Variants in GRIN3A observed in about 807,000 individuals in gnomAD.
GRIN3A encodes glutamate ionotropic receptor NMDA type subunit 3A, also known as glutamate receptor ionotropic, NMDA 3A.
Under a neutral mutation model 92.4 loss-of-function variants are expected in GRIN3A, and 47 were observed. The observed-to-expected ratio is 0.51, with a 90% CI of 0.40 to 0.65. GRIN3A has a LOEUF of 0.65. GRIN3A is among the 30% of genes least tolerant of loss of function. The pLI, the probability that GRIN3A is intolerant of heterozygous loss-of-function variation, is 0.00. For synonymous variants in GRIN3A, 527 were observed against 540.6 expected (o/e 0.97, Z 0.35); for missense variants, 1,324 against 1,393.1 (o/e 0.95, Z 0.79).
In GRIN3A at chr9:101,613,378, C is replaced by T. The variant is rs1828394968; in HGVS notation, c.2764G>A (p.Glu922Lys). Reference protein sequence around the residue: ...PCGKRSFAVTETLQMGIKHFS... With the variant: ...PCGKRSFAVTKTLQMGIKHFS... The stretch of plus-strand genomic sequence containing the variant: ...CATTTTCAACAGTCTTTCCATACCT[C>T]CGTGACAGCAAAACTTCTCTTGCCA... Residue 922 changes from glutamate to lysine, a missense_variant and splice_region_variant, in exon 6 of 9, where the codon GAG becomes AAG. Physicochemically the swap from Glu to Lys is moderately conservative, Grantham distance 56 (BLOSUM62 1). Coordinates refer to ENST00000361820, the MANE Select transcript of GRIN3A (RefSeq NM_133445.3). The T allele has an allele frequency of 1.2e-6, 2 of 1,614,166 alleles. No homozygotes were observed. The highest frequency in any genetic ancestry group is 2.2e-5 in the East Asian group (1 of 44,880).
At chr9:101,611,011 T>A (rs1212453787) in intron 6 of GRIN3A, among the ~76,000 whole-genome samples, 2 of 150,316 alleles carry the variant, frequency 1.3e-5, no homozygotes, top group African/African-American at 4.9e-5. Flanking sequence ...GGCAGGAGAA[T>A]GGTGTGAACC....
intron 1 of GRIN3A, among the ~76,000 whole-genome samples, chr9:101,708,516 C>T (rs117868250): frequency 2.6e-5 from 4 of 152,154 alleles, no homozygotes; most frequent in Non-Finnish European, 5.9e-5. Flanking sequence ...GGCCAACCCC[C>T]CAAATGAGAT....
intron 4 of GRIN3A, among the ~76,000 whole-genome samples, chr9:101,626,381 A>G (rs1828635107): frequency 6.6e-6 from 1 of 152,186 alleles, no homozygotes; most frequent in Admixed American, 6.5e-5. Context: ...CAGGTTCAAT[A>G]TGTAGAAAAG....
chr9:101,725,450 G>C (rs1483460083), intron 1 of GRIN3A, among the ~76,000 whole-genome samples: 1 of 152,166 alleles, frequency 6.6e-6, no homozygotes, highest in African/African-American at 2.4e-5. Flanking sequence ...CAAGAAAAGG[G>C]AGAAGTCAAA....
At chr9:101,615,885 T>A (rs1220712400) in intron 5 of GRIN3A, among the ~76,000 whole-genome samples, 1 of 152,194 alleles carries the variant, frequency 6.6e-6, no homozygotes, top group Non-Finnish European at 1.5e-5. Flanking sequence ...TGGCTAATTA[T>A]CCTAACCATC....
At chr9:101,700,382 T>G (rs1048375623) in intron 1 of GRIN3A, among the ~76,000 whole-genome samples, 1 of 152,150 alleles carries the variant, frequency 6.6e-6, no homozygotes, top group African/African-American at 2.4e-5. Context: ...TGCTTTCCCA[T>G]AAAATCGTAT....
At chr9:101,594,691 C>T in intron 6 of GRIN3A, 1 of 1,614,202 alleles carries the variant, frequency 6.2e-7, no homozygotes, top group South Asian at 1.1e-5. Context: ...GGGAGGTCCC[C>T]AGGATGAATT....
chr9:101,718,248 C>T (rs1162829229), intron 1 of GRIN3A, among the ~76,000 whole-genome samples: 1 of 152,174 alleles, frequency 6.6e-6, no homozygotes, highest in Non-Finnish European at 1.5e-5. Flanking sequence ...AATTACATAA[C>T]TGTATGACAG....
intron 5 of GRIN3A, among the ~76,000 whole-genome samples, chr9:101,622,382 A>C (rs1028148603): frequency 6.6e-6 from 1 of 152,222 alleles, no homozygotes; most frequent in Non-Finnish European, 1.5e-5. Context: ...CTCGAGAGCC[A>C]GCATGCACTA....
At chr9:101,658,026 G>A (rs1288482323) in intron 3 of GRIN3A, among the ~76,000 whole-genome samples, 1 of 151,964 alleles carries the variant, frequency 6.6e-6, no homozygotes, top group Non-Finnish European at 1.5e-5. Flanking sequence ...CAGAGGTGAG[G>A]AAAGGACTTG....
chr9:101,664,176 G>A (rs1323415), intron 3 of GRIN3A, among the ~76,000 whole-genome samples: 51,200 of 151,698 alleles, frequency 0.34, 9,512 homozygotes, highest in Non-Finnish European at 0.42. Flanking sequence ...ATAAAAACAC[G>A]GCTGCAGTTT....
chr9:101,671,945 A>G (rs1369897169), intron 2 of GRIN3A, among the ~76,000 whole-genome samples: 1 of 152,160 alleles, frequency 6.6e-6, no homozygotes, highest in Non-Finnish European at 1.5e-5. Context: ...TCTGATATGG[A>G]CTAGACAGAA....
chr9:101,647,768 C>T (rs747837584), intron 3 of GRIN3A, among the ~76,000 whole-genome samples: 9 of 151,642 alleles, frequency 5.9e-5, no homozygotes, highest in East Asian at 3.9e-4. Context: ...TTCAATTTGC[C>T]GGAGTATAGT....
At chr9:101,605,348 C>A (rs1016775481) in intron 6 of GRIN3A, among the ~76,000 whole-genome samples, 2 of 152,214 alleles carry the variant, frequency 1.3e-5, no homozygotes, top group Admixed American at 6.5e-5. Context: ...AAGCCAGAAA[C>A]ATAAAATATC....
chr9:101,610,619 A>ATCTATCTATCTG (rs35988009), intron 6 of GRIN3A, among the ~76,000 whole-genome samples: 2,201 of 150,612 alleles, frequency 0.015, 33 homozygotes, highest in East Asian at 0.048. Context: ...CTATCTATCT[A>ATCTATCTATCTG]TCTATCATCT....
intron 1 of GRIN3A, among the ~76,000 whole-genome samples, chr9:101,721,994 A>G (rs1224526299): frequency 6.6e-6 from 1 of 152,222 alleles, no homozygotes; most frequent in Non-Finnish European, 1.5e-5. Context: ...ATGTTAATCC[A>G]CAAGACCATG....
chr9:101,638,253 C>A (rs1374709307), intron 3 of GRIN3A, among the ~76,000 whole-genome samples: 2 of 152,128 alleles, frequency 1.3e-5, no homozygotes, highest in South Asian at 2.1e-4. Flanking sequence ...CTATGGAGAC[C>A]AAGCCAACAA....
rs75704535 is a variant in GRIN3A at position 101,573,276 on chromosome 9, G to A, written c.3246C>T (p.Leu1082=). 4 of 1,613,998 alleles carry A rather than the reference G, an allele frequency of 2.5e-6. No individual in the cohort carries two copies. The highest frequency in any genetic ancestry group is 3.4e-6 in the Non-Finnish European group (4 of 1,179,968). Residue 1082 remains leucine (L), a synonymous_variant, in exon 9 of 9, where the codon CTC becomes CTT. Coordinates refer to ENST00000361820, the MANE Select transcript of GRIN3A (RefSeq NM_133445.3). The part of the protein sequence containing the change: ...RNSVMQELSE[L]EKQIQVIRQE... ...GACGGATCACCTGAATCTGCTTCTCGAGCTCTGAGAGTTCCTGCATCACTG... is the reference window on the plus strand; with the variant it reads ...GACGGATCACCTGAATCTGCTTCTCAAGCTCTGAGAGTTCCTGCATCACTG...
intron 1 of GRIN3A, among the ~76,000 whole-genome samples, chr9:101,714,740 A>G (rs1165451428): frequency 6.6e-6 from 1 of 152,218 alleles, no homozygotes; most frequent in Non-Finnish European, 1.5e-5. Context: ...ATTAAAAAAA[A>G]TGTCAATTTG....
Sources: gnomAD v4.1 joint callset for allele counts (sites outside exome capture counted in the v4.1 genomes callset) on GRCh38, gnomAD v4.1.1 for gene constraint, MANE v1.5 for transcripts, NCBI Gene and HGNC (gene_info 2026-07-23, HGNC 2026-07-21) for gene names.